Variants in ANKAR observed in about 807,000 individuals in gnomAD.
The protein encoded by ANKAR is ankyrin and armadillo repeat containing.
Under a neutral mutation model 146.2 loss-of-function variants are expected in ANKAR, and 136 were observed. The ratio of observed to expected loss-of-function variants is 0.93; its 90% CI spans 0.81 to 1.07. The LOEUF is 1.07. Among genes scored for constraint, ANKAR ranks in the 50% least tolerant of loss-of-function variants. The pLI, the probability that ANKAR is intolerant of heterozygous loss-of-function variation, is 0.00. For synonymous variants in ANKAR, 500 were observed against 575.8 expected, an observed-to-expected ratio of 0.87 and a Z score of 1.88; for missense variants, 1,567 against 1,679.9, an observed-to-expected ratio of 0.93 and a Z score of 1.18.
At chr2:189,744,457 CCTAT>C (rs2043773788) in intron 21 of ANKAR, among the ~76,000 whole-genome samples, 3 of 152,290 alleles carry the variant, frequency 2.0e-5, no homozygotes, top group East Asian at 1.9e-4. Flanking sequence ...CTTTCTCAGA[CCTAT>C]CTTCTTCAAA....
intron 4 of ANKAR, 53 bp downstream of exon 4, chr2:189,692,471 A>C: frequency 6.6e-7 from 1 of 1,517,970 alleles, no homozygotes; most frequent in Non-Finnish European, 8.9e-7. Context: ...CTTTTATCCT[A>C]TTCTCCAACC....
At chr2:189,745,027 C>CTAATAATAATAATAA (rs1553537043) in intron 22 of ANKAR, among the ~76,000 whole-genome samples, 74 of 131,058 alleles carry the variant, frequency 5.6e-4, no homozygotes, top group East Asian at 3.1e-3. Flanking sequence ...ACTACTACTA[C>CTAATAATAATAATAA]TAATAATACA....
In ANKAR at chr2:189,728,421, G is replaced by A; in HGVS notation, c.3031+1G>A. The A allele has an allele frequency of 6.3e-7, 1 of 1,586,326 alleles. No homozygotes were observed. The highest frequency in any genetic ancestry group is 8.5e-7 in the Non-Finnish European group (1 of 1,172,136). On this transcript the variant is annotated splice_donor_variant, in intron 14 of 22. Transcript: ENST00000684021. LOFTEE classifies it high-confidence loss of function. The stretch of plus-strand genomic sequence containing the variant: ...CCATCAGCTAAAATGCAGTATGTTG[G>A]TAAGTTATTTTCCTTATTTTATTTT...
downstream of ANKAR, chr2:189,761,600 G>T: frequency 1.9e-6 from 3 of 1,604,386 alleles, no homozygotes; most frequent in South Asian, 1.1e-5. Context: ...CCTTTTTGAT[G>T]GTTTAAAAAA....
chr2:189,750,634 A>G (rs1559160658), downstream of ANKAR: 2 of 1,589,680 alleles, frequency 1.3e-6, no homozygotes, highest in Non-Finnish European at 1.7e-6. Context: ...ACTTCTTTTG[A>G]TATGTCTACT....
downstream of ANKAR, among the ~76,000 whole-genome samples, chr2:189,747,943 C>G (rs2044414260): frequency 6.6e-6 from 1 of 152,164 alleles, no homozygotes; most frequent in Non-Finnish European, 1.5e-5. Flanking sequence ...ACCTTGGCCT[C>G]CCAAAGTGCT....
intron 12 of ANKAR, among the ~76,000 whole-genome samples, chr2:189,723,284 G>A (rs2041516194): frequency 6.6e-6 from 1 of 152,148 alleles, no homozygotes; most frequent in South Asian, 2.1e-4. Context: ...GCTAAGTTTG[G>A]TTTGTTTTAG....
At chr2:189,761,407 A>G, downstream of ANKAR, 2 of 1,585,006 alleles carry the variant, frequency 1.3e-6, no homozygotes, top group Non-Finnish European at 1.7e-6. Context: ...TGACTAAGAT[A>G]ATGTCTACTT....
intron 18 of ANKAR, chr2:189,753,058 T>C (rs1171824638): frequency 3.8e-6 from 5 of 1,320,382 alleles, no homozygotes; most frequent in South Asian, 1.5e-5. Context: ...GAGAAAAATA[T>C]CAGCATTAAA....
chr2:189,723,221 T>C (rs2041508102), intron 12 of ANKAR, among the ~76,000 whole-genome samples: 1 of 152,136 alleles, frequency 6.6e-6, no homozygotes, highest in Non-Finnish European at 1.5e-5. Flanking sequence ...AAAAGATGGA[T>C]TTGTTAACAT....
At chr2:189,736,499 G>GTTTTTTTTT (rs71938893) in intron 17 of ANKAR, among the ~76,000 whole-genome samples, 2,696 of 113,660 alleles carry the variant, frequency 0.024, 306 homozygotes, top group African/African-American at 0.076. Context: ...AGGTGACTGG[G>GTTTTTTTTT]TTTTGTGTGT....
chr2:189,700,866 A>ATT (rs1280703844), intron 7 of ANKAR, among the ~76,000 whole-genome samples: 2 of 152,228 alleles, frequency 1.3e-5, no homozygotes, highest in Non-Finnish European at 2.9e-5. Context: ...ATAGGATCTC[A>ATT]TTCTTTTTCA....
At chr2:189,755,409 C>A in intron 18 of ANKAR, 1 of 1,611,462 alleles carries the variant, frequency 6.2e-7, no homozygotes, top group South Asian at 1.1e-5. Flanking sequence ...AAGCCCACTC[C>A]CAGGCTTAAA....
chr2:189,762,697 C>T, downstream of ANKAR: 3 of 985,306 alleles, frequency 3.0e-6, no homozygotes, highest in Non-Finnish European at 3.6e-6. Flanking sequence ...TCCACTTGGG[C>T]GGCAGTAGCT....
At chr2:189,705,536 G>A in intron 8 of ANKAR, among the ~76,000 whole-genome samples, 1 of 152,166 alleles carries the variant, frequency 6.6e-6, no homozygotes, top group Non-Finnish European at 1.5e-5. Flanking sequence ...CCTTGTTCCA[G>A]TAGTATGGTT....
At chr2:189,690,003 A>ACC in intron 3 of ANKAR, 39 bp downstream of exon 3, 1 of 1,311,884 alleles carries the variant, frequency 7.6e-7, no homozygotes, top group Middle Eastern at 2.7e-4. Flanking sequence ...AAATATAGGT[A>ACC]TATATTAAAT....
chr2:189,734,337 TTGCCTAAGGGCAATTAAA>T lies in ANKAR; in HGVS notation c.3423+1109_3423+1126del, dbSNP rs575523263. On this transcript the variant is annotated intron_variant, in intron 17 of 22. Coordinates refer to ENST00000684021, the MANE Select transcript of ANKAR (RefSeq NM_001378068.1). The stretch of plus-strand genomic sequence containing the variant: ...GATGCAACAATAATAAATGTAACAT[TTGCCTAAGGGCAATTAAA>T]AAAATTCCCTTCTTCCTTCTACGTT... Among the ~76,000 whole-genome samples the T allele has an allele frequency of 4.9e-4, 74 of 152,382 alleles. 1 individual carries two copies. In the South Asian group the frequency reaches 0.014, roughly 30 times the overall value.
At position 189,677,082 on chromosome 2, in the gene ANKAR, A is replaced by G. The variant is rs1178359036; in HGVS notation, c.592A>G (p.Ser198Gly). 2.6e-6 allele frequency: 4 copies of G among 1,542,464 alleles called. No homozygotes were observed. Among genetic ancestry groups the G allele is most frequent in the Non-Finnish European group, 3.5e-6 (4 of 1,152,600 alleles). ...QTNKDIFSEF[S>G]SAGLTDITKD... ...AAATAAAGACATTTTTTCAGAGTTT[A>G]GTTCAGCAGGTAAGAGAATTTAACA... Residue 198 changes from serine to glycine, a missense_variant, in exon 2 of 23, where the codon AGT becomes GGT. Coordinates refer to ENST00000684021, the MANE Select transcript of ANKAR (RefSeq NM_001378068.1).
At chr2:189,755,448 T>C (rs758623953) in intron 18 of ANKAR, 17 of 1,607,290 alleles carry the variant, frequency 1.1e-5, no homozygotes, top group Non-Finnish European at 1.4e-5. Flanking sequence ...GTAGTTGCAA[T>C]TGCTGAGAGG....
Sources: gnomAD v4.1 joint callset for allele counts (sites outside exome capture counted in the v4.1 genomes callset) on GRCh38, gnomAD v4.1.1 for gene constraint, MANE v1.5 for transcripts, NCBI Gene and HGNC (gene_info 2026-07-23, HGNC 2026-07-21) for gene names.